TMEM106B: variants seen among roughly 807,000 people sequenced by gnomAD.
TMEM106B encodes transmembrane protein 106B.
Under a neutral mutation model 31.1 loss-of-function variants are expected in TMEM106B, and 15 were observed. That is an observed-to-expected ratio of 0.48 (90% CI 0.32 to 0.74). TMEM106B has a LOEUF of 0.74. TMEM106B is among the 30% of genes least tolerant of loss of function. The pLI is 0.03. For synonymous variants in TMEM106B, 126 were observed against 112.5 expected (o/e 1.12, Z -0.76); for missense variants, 283 against 327.3 (o/e 0.86, Z 1.04).
chr7:12,217,712 G>C (rs896398743), intron 2 of TMEM106B, among the ~76,000 whole-genome samples: 5 of 152,132 alleles, frequency 3.3e-5, no homozygotes, highest in African/African-American at 1.2e-4. Context: ...GCACAGATGA[G>C]AGGAAGAGTA....
chr7:12,232,236 C>G lies in TMEM106B; in HGVS notation c.*261C>G, dbSNP rs1583221990. ...CCAGCCTATCCCCTACAGGGAAAAGCTGATACTTCCCCTATAGTACAATAA... is the reference window on the plus strand; with the variant it reads ...CCAGCCTATCCCCTACAGGGAAAAGGTGATACTTCCCCTATAGTACAATAA... On this transcript the variant is annotated 3_prime_UTR_variant, in exon 8 of 8. Coordinates refer to ENST00000396668, the MANE Select transcript of TMEM106B (RefSeq NM_001134232.2). 1 of 260,970 alleles carries G rather than the reference C, an allele frequency of 3.8e-6. No individual in the cohort carries two copies. The highest frequency in any genetic ancestry group is 6.4e-5 in the East Asian group (1 of 15,536). The allele number at this position is 260,970 out of a possible 1,614,324, so 16.2% of individuals were successfully genotyped here.
intron 3 of TMEM106B, 77 bp downstream of exon 3, chr7:12,218,598 A>G: frequency 1.7e-6 from 2 of 1,151,204 alleles, no homozygotes; most frequent in Non-Finnish European, 2.5e-6. Flanking sequence ...ATGTATAATA[A>G]CTAGTTAAAA....
chr7:12,229,257 A>G (rs1781964629), intron 4 of TMEM106B, among the ~76,000 whole-genome samples: 1 of 152,114 alleles, frequency 6.6e-6, no homozygotes, highest in Admixed American at 6.6e-5. Flanking sequence ...TTTCTCCCCA[A>G]CCAACCAGAC....
chr7:12,228,002 A>G (rs143230885), intron 4 of TMEM106B, among the ~76,000 whole-genome samples: 5 of 152,032 alleles, frequency 3.3e-5, no homozygotes, highest in Admixed American at 2.0e-4. Flanking sequence ...CTAAATTTCA[A>G]TCCTTGGTCT....
In TMEM106B at chr7:12,235,786, A is replaced by G. The variant is rs1222677118; in HGVS notation, c.*3811A>G. The G allele has an allele frequency of 1.3e-5, 2 of 151,816 alleles. No homozygotes were observed. Among genetic ancestry groups the G allele is most frequent in the African/African-American group, 4.8e-5 (2 of 41,416 alleles). The allele number at this position is 151,816 out of a possible 1,614,324, so 9.4% of individuals were successfully genotyped here. On this transcript the variant is annotated 3_prime_UTR_variant, in exon 8 of 8. Coordinates refer to ENST00000396668, the MANE Select transcript of TMEM106B (RefSeq NM_001134232.2). ...AAAGATGTAAATTTTTAAATTTACA[A>G]ATACATATGGGTCTTTGATAAGCAA...
chr7:12,233,881 AG>A lies in TMEM106B; in HGVS notation c.*1909del. 1 of 151,788 alleles carries A rather than the reference AG, an allele frequency of 6.6e-6. No homozygotes were observed. The highest frequency in any genetic ancestry group is 1.5e-5 in the Non-Finnish European group (1 of 67,666). The allele number at this position is 151,788 out of a possible 1,614,324, so 9.4% of individuals were successfully genotyped here. ...TTCAAAAATCACCTGTATCTGTAGT[AG>A]GGCTTCCAAATCTGCTTCTCCATAT... On this transcript the variant is annotated 3_prime_UTR_variant, in exon 8 of 8. Coordinates refer to ENST00000396668, the MANE Select transcript of TMEM106B (RefSeq NM_001134232.2).
In TMEM106B at chr7:12,239,502, A is replaced by G. The variant is rs1443054891; in HGVS notation, c.*7527A>G. On this transcript the variant is annotated 3_prime_UTR_variant, in exon 8 of 8. Transcript: ENST00000396668. ...TTCCTTTGCCTTCACAACTTGTGCAAGAGACCTAGCTTTCAGCCTATCTTG... is the reference window on the plus strand; with the variant it reads ...TTCCTTTGCCTTCACAACTTGTGCAGGAGACCTAGCTTTCAGCCTATCTTG... 2 of 152,194 alleles carry G rather than the reference A, an allele frequency of 1.3e-5. No individual in the cohort carries two copies. Among genetic ancestry groups the G allele is most frequent in the East Asian group, 3.8e-4 (2 of 5,198 alleles). The allele number at this position is 152,194 out of a possible 1,614,324, so 9.4% of individuals were successfully genotyped here. A position where few individuals can be genotyped will look rare whatever the true frequency, so the allele number is the denominator to read the frequency against.
chr7:12,224,719 G>C (rs967278299), intron 4 of TMEM106B, among the ~76,000 whole-genome samples: 1 of 152,164 alleles, frequency 6.6e-6, no homozygotes, highest in African/African-American at 2.4e-5. Context: ...TAGTTGATTT[G>C]ATAGATTTTA....
In TMEM106B at chr7:12,238,523, G is replaced by C. The variant is rs6460904; in HGVS notation, c.*6548G>C. On this transcript the variant is annotated 3_prime_UTR_variant, in exon 8 of 8. Transcript: ENST00000396668. ...CTAGAATGGCAAATCCTTTCTGGAA[G>C]GTTTCAATTTACTTTGCCCAGATCC... 1 of 152,048 alleles carries C rather than the reference G, an allele frequency of 6.6e-6. No individual in the cohort carries two copies. 9.4% of individuals were successfully genotyped at this position (152,048 alleles called of 1,614,324 possible).
rs1782046278 is a variant in TMEM106B at position 12,232,531 on chromosome 7, C to T, written c.*556C>T. 1 of 152,144 alleles carries T rather than the reference C, an allele frequency of 6.6e-6. No homozygotes were observed. The highest frequency in any genetic ancestry group is 2.1e-4 in the South Asian group (1 of 4,832). 9.4% of individuals were successfully genotyped at this position (152,144 alleles called of 1,614,324 possible). A position where few individuals can be genotyped will look rare whatever the true frequency, so the allele number is the denominator to read the frequency against. On this transcript the variant is annotated 3_prime_UTR_variant, in exon 8 of 8. Coordinates refer to ENST00000396668, the MANE Select transcript of TMEM106B (RefSeq NM_001134232.2). ...ATGGTAATCATCTGCATGTTTTTGT[C>T]ACTTATTTCAGGTTAGTGATTGCCT...
In TMEM106B at chr7:12,239,097, A is replaced by G. The variant is rs994836118; in HGVS notation, c.*7122A>G. 4 of 152,230 alleles carry G rather than the reference A, an allele frequency of 2.6e-5. No individual in the cohort carries two copies. The highest frequency in any genetic ancestry group is 1.3e-4 in the Admixed American group (2 of 15,270). 9.4% of individuals were successfully genotyped at this position (152,230 alleles called of 1,614,324 possible). A position where few individuals can be genotyped will look rare whatever the true frequency, so the allele number is the denominator to read the frequency against. ...TATATTGTTCATTGTAACCACTTTC[A>G]TCAATGATCTTAGCTAGATATTCTG... On this transcript the variant is annotated 3_prime_UTR_variant, in exon 8 of 8. Coordinates refer to ENST00000396668, the MANE Select transcript of TMEM106B (RefSeq NM_001134232.2).
intron 5 of TMEM106B, among the ~76,000 whole-genome samples, chr7:12,230,159 C>T (rs1014368822): frequency 6.6e-5 from 10 of 151,728 alleles, no homozygotes; most frequent in South Asian, 4.2e-4. Context: ...TCGAGGCTCG[C>T]GAGCCGTGAT....
chr7:12,230,617 A>G (rs537783464), intron 6 of TMEM106B, 179 bp downstream of exon 6: 28 of 445,932 alleles, frequency 6.3e-5, no homozygotes, highest in African/African-American at 5.5e-4. Context: ...TCATGTATAT[A>G]TACACATAAA....
At chr7:12,223,372 T>A (rs1383254917) in intron 3 of TMEM106B, among the ~76,000 whole-genome samples, 1 of 146,238 alleles carries the variant, frequency 6.8e-6, no homozygotes, top group East Asian at 1.9e-4. Flanking sequence ...ATATGGAGGA[T>A]GTGCAGGTTT....
rs1782132171 is a variant in TMEM106B, at chr7:12,236,209, C to T, written c.*4234C>T. On this transcript the variant is annotated 3_prime_UTR_variant, in exon 8 of 8. Coordinates refer to ENST00000396668, the MANE Select transcript of TMEM106B (RefSeq NM_001134232.2). ...GAACTAACATTTGTGTATTTTTGTG[C>T]TTAGTCGGAATACAAATTTCACAGT... 6.6e-6 allele frequency: 1 copy of T among 151,820 alleles called. No homozygotes were observed. The highest frequency in any genetic ancestry group is 1.5e-5 in the Non-Finnish European group (1 of 67,840). 9.4% of individuals were successfully genotyped at this position (151,820 alleles called of 1,614,324 possible). A position where few individuals can be genotyped will look rare whatever the true frequency, so the allele number is the denominator to read the frequency against.
chr7:12,230,758 G>A (rs562379411), intron 6 of TMEM106B: 73 of 320,304 alleles, frequency 2.3e-4, no homozygotes, highest in South Asian at 2.2e-3. Context: ...TTGAATAAGC[G>A]TAGATACAGA....
rs1160714389 is a variant in TMEM106B, at chr7:12,234,653, G to A, written c.*2678G>A. 1 of 151,812 alleles carries A rather than the reference G, an allele frequency of 6.6e-6. No individual in the cohort carries two copies. The highest frequency in any genetic ancestry group is 2.4e-5 in the African/African-American group (1 of 41,376). 9.4% of individuals were successfully genotyped at this position (151,812 alleles called of 1,614,324 possible). On this transcript the variant is annotated 3_prime_UTR_variant, in exon 8 of 8. Transcript: ENST00000396668. ...AACTGCTCTCAGACCTTATCCAGAG[G>A]ACATGGTAAAGATATGTTACAGAAA...
chr7:12,241,732 A>C lies in TMEM106B; in HGVS notation c.*9757A>C, dbSNP rs1317395875. On this transcript the variant is annotated 3_prime_UTR_variant, in exon 8 of 8. Transcript: ENST00000396668. Reference sequence around the variant, plus strand: ...AACATATGTGTGTATGTGTCTTTACAGTAAAATGATTTATAATCTTTTGGG... The same window carrying C: ...AACATATGTGTGTATGTGTCTTTACCGTAAAATGATTTATAATCTTTTGGG... 2.0e-5 allele frequency: 3 copies of C among 152,214 alleles called. No individual in the cohort carries two copies. The highest frequency in any genetic ancestry group is 7.2e-5 in the African/African-American group (3 of 41,440). 9.4% of individuals were successfully genotyped at this position (152,214 alleles called of 1,614,324 possible).
At chr7:12,216,629 G>A (rs1005613322) in intron 2 of TMEM106B, among the ~76,000 whole-genome samples, 4 of 152,110 alleles carry the variant, frequency 2.6e-5, no homozygotes, top group African/African-American at 7.2e-5. Context: ...AGACCCTAGC[G>A]AATCCTGAGA....
Sources: gnomAD v4.1 joint callset for allele counts (sites outside exome capture counted in the v4.1 genomes callset) on GRCh38, gnomAD v4.1.1 for gene constraint, MANE v1.5 for transcripts, NCBI Gene and HGNC (gene_info 2026-07-23, HGNC 2026-07-21) for gene names.